Variants in CATSPERB observed in about 807,000 individuals in gnomAD.
CATSPERB encodes catsper channel auxiliary subunit beta.
Under a neutral mutation model 128.3 loss-of-function variants are expected in CATSPERB, and 93 were observed. That is an observed-to-expected ratio of 0.72 (90% CI 0.61 to 0.86). The LOEUF is 0.86. Ranked by LOEUF, CATSPERB falls within the 40% of genes least tolerant of loss-of-function variation. CATSPERB has a pLI of 0.00. For synonymous variants in CATSPERB, 381 were observed against 448.8 expected, an observed-to-expected ratio of 0.85 and a Z score of 1.91; for missense variants, 1,153 against 1,329.5, an observed-to-expected ratio of 0.87 and a Z score of 2.06.
At chr14:91,655,868 G>T (rs1011920687) in intron 15 of CATSPERB, among the ~76,000 whole-genome samples, 10 of 152,072 alleles carry the variant, frequency 6.6e-5, no homozygotes, top group African/African-American at 2.4e-4. Flanking sequence ...ACAGATTTCA[G>T]CCAAAGAAGA....
chr14:91,616,435 C>A (rs1386490850), intron 20 of CATSPERB, among the ~76,000 whole-genome samples: 1 of 152,078 alleles, frequency 6.6e-6, no homozygotes, highest in Non-Finnish European at 1.5e-5. Flanking sequence ...TAAAGTAATG[C>A]TAACGAAGGG....
chr14:91,601,349 C>T (rs1893604910), intron 22 of CATSPERB, among the ~76,000 whole-genome samples: 1 of 152,156 alleles, frequency 6.6e-6, no homozygotes, highest in African/African-American at 2.4e-5. Flanking sequence ...AATCAGATTA[C>T]AATATATTTT....
chr14:91,666,764 T>C (rs865855598), intron 14 of CATSPERB, among the ~76,000 whole-genome samples: 19 of 152,332 alleles, frequency 1.2e-4, no homozygotes, highest in Middle Eastern at 3.4e-3. Flanking sequence ...CCTACTTAGA[T>C]ACCAGGCGCT....
chr14:91,671,407 C>G (rs1331274672), intron 13 of CATSPERB, among the ~76,000 whole-genome samples: 1 of 152,048 alleles, frequency 6.6e-6, no homozygotes, highest in East Asian at 1.9e-4. Flanking sequence ...AACCCCATCT[C>G]TACTAAAAAA....
chr14:91,631,952 A>T (rs1262117318), intron 17 of CATSPERB, among the ~76,000 whole-genome samples: 2 of 152,144 alleles, frequency 1.3e-5, no homozygotes, highest in African/African-American at 4.8e-5. Flanking sequence ...AACAGGGTGT[A>T]AAAGTCCCAA....
At chr14:91,684,069 A>G in intron 10 of CATSPERB, 126 bp from the exon 11 acceptor site, 1 of 589,344 alleles carries the variant, frequency 1.7e-6, no homozygotes, top group East Asian at 3.0e-5. Context: ...AGAGACAAAA[A>G]TTGTATGCAA....
chr14:91,657,063 T>C lies in CATSPERB; in HGVS notation c.1432+2774A>G, dbSNP rs375539791. Among the ~76,000 whole-genome samples the C allele has an allele frequency of 1.2e-4, 19 of 152,042 alleles. No individual in the cohort carries two copies. In the East Asian group the frequency reaches 2.3e-3, roughly 18 times the overall value. On this transcript the variant is annotated intron_variant, in intron 15 of 26. Transcript: ENST00000256343. ...GAGATAGATCCCAATACAATAACTG[T>C]TGGAGAATTCAACAACCCATGTTCA...
intron 14 of CATSPERB, 105 bp from the exon 15 acceptor site, chr14:91,660,086 T>C: frequency 7.0e-6 from 6 of 851,718 alleles, no homozygotes; most frequent in Non-Finnish European, 1.1e-5. Context: ...ATCTTTTCCA[T>C]ATGCCTACAT....
At chr14:91,587,415 A>C in intron 25 of CATSPERB, 139 bp from the exon 26 acceptor site, 1 of 441,412 alleles carries the variant, frequency 2.3e-6, no homozygotes, top group Non-Finnish European at 3.9e-6. Flanking sequence ...AGGCTCTCGG[A>C]CATACACATC....
chr14:91,660,275 C>CT (rs1228444720), intron 14 of CATSPERB, among the ~76,000 whole-genome samples: 7 of 152,174 alleles, frequency 4.6e-5, no homozygotes, highest in Admixed American at 1.3e-4. Flanking sequence ...AAAGTTATTC[C>CT]TATGATCTCC....
intron 17 of CATSPERB, among the ~76,000 whole-genome samples, chr14:91,635,239 C>T (rs1028208928): frequency 9.2e-5 from 14 of 152,136 alleles, no homozygotes; most frequent in African/African-American, 3.1e-4. Context: ...AGGATTTCCA[C>T]ATATGAATTT....
intron 11 of CATSPERB, among the ~76,000 whole-genome samples, chr14:91,681,714 T>C (rs974603402): frequency 5.9e-5 from 9 of 152,112 alleles, no homozygotes; most frequent in African/African-American, 1.7e-4. Flanking sequence ...AAGGTACTGC[T>C]AAAAAGTCTT....
chr14:91,619,864 TGTGTGTGTG>T, intron 19 of CATSPERB, among the ~76,000 whole-genome samples: 1 of 5,646 alleles, frequency 1.8e-4, no homozygotes, highest in Non-Finnish European at 4.3e-4. Flanking sequence ...AATAAAATTG[TGTGTGTGTG>T]TGTGTGTGTG....
chr14:91,676,026 GC>G (rs1302059099), intron 11 of CATSPERB, among the ~76,000 whole-genome samples: 1 of 152,004 alleles, frequency 6.6e-6, no homozygotes, highest in Non-Finnish European at 1.5e-5. Flanking sequence ...CACTTGTTTT[GC>G]CATCTCATTT....
chr14:91,670,792 C>G (rs1020918256), intron 13 of CATSPERB, among the ~76,000 whole-genome samples: 1 of 151,972 alleles, frequency 6.6e-6, no homozygotes, highest in Non-Finnish European at 1.5e-5. Flanking sequence ...TCACTTGAGG[C>G]CAGGAGTTCG....
chr14:91,582,992 C>T (rs989611678), intron 26 of CATSPERB, among the ~76,000 whole-genome samples: 1 of 152,194 alleles, frequency 6.6e-6, no homozygotes, highest in African/African-American at 2.4e-5. Context: ...CTGTGGAGGT[C>T]CCCGGTTGGC....
At chr14:91,711,052 G>A (rs181965172) in intron 5 of CATSPERB, among the ~76,000 whole-genome samples, 225 of 152,268 alleles carry the variant, frequency 1.5e-3, no homozygotes, top group African/African-American at 5.1e-3. Flanking sequence ...GGGGCTCAGC[G>A]TATGTGAAAC....
intron 10 of CATSPERB, among the ~76,000 whole-genome samples, chr14:91,688,133 G>A (rs11844260): frequency 0.03 from 4,633 of 151,968 alleles, 259 homozygotes; most frequent in African/African-American, 0.11. Flanking sequence ...TTTTATTAAA[G>A]TTCTTTCTTG....
At chr14:91,706,465 C>A (rs1306649156) in intron 6 of CATSPERB, among the ~76,000 whole-genome samples, 1 of 152,026 alleles carries the variant, frequency 6.6e-6, no homozygotes, top group African/African-American at 2.4e-5. Flanking sequence ...ATTTTAAGAA[C>A]AAGGAACTGA....
Sources: allele counts gnomAD v4.1 joint callset (sites outside exome capture counted in the v4.1 genomes callset), GRCh38; gene constraint gnomAD v4.1.1; transcripts MANE v1.5; gene names NCBI Gene and HGNC (gene_info 2026-07-23, HGNC 2026-07-21).